The following SPOCK1 variants were observed in gnomAD, a reference collection of about 807,000 sequenced individuals.
The protein encoded by SPOCK1 is SPARC (osteonectin), cwcv and kazal like domains proteoglycan 1.
In SPOCK1, 23 loss-of-function variants were observed where a neutral mutation model predicts 55.3. The ratio of observed to expected loss-of-function variants is 0.42; its 90% CI spans 0.30 to 0.59. SPOCK1 has a LOEUF of 0.59. Ranked by LOEUF, SPOCK1 falls within the 20% of genes least tolerant of loss-of-function variation. The pLI is 0.22. For missense variants in SPOCK1, 499 were observed against 552.5 expected, an observed-to-expected ratio of 0.90 and a Z score of 0.97; for synonymous variants, 226 against 221.0, an observed-to-expected ratio of 1.02 and a Z score of -0.20.
intron 5 of SPOCK1, among the ~76,000 whole-genome samples, chr5:137,100,798 T>C (rs1753246462): frequency 6.6e-6 from 1 of 152,046 alleles, no homozygotes; most frequent in East Asian, 1.9e-4. Context: ...AGGACACCCT[T>C]GTTCAGAGGA....
In SPOCK1 at chr5:137,310,046, G is replaced by A. The variant is rs1757763071; in HGVS notation, c.187-42991C>T. Among the ~76,000 whole-genome samples, 5 of 152,122 alleles carry A rather than the reference G, an allele frequency of 3.3e-5. No homozygotes were observed. The South Asian group carries it at 8.3e-4, about 25-fold the overall frequency. On this transcript the variant is annotated intron_variant, in intron 2 of 10. Transcript: ENST00000394945. ...CCAGAGGCACAAAAGCCTAAAGAGA[G>A]CATAGACTTTCAAGCCAGGATCCTG...
chr5:137,311,204 T>A lies in SPOCK1; in HGVS notation c.187-44149A>T, dbSNP rs149949055. On this transcript the variant is annotated intron_variant, in intron 2 of 10. Transcript: ENST00000394945. ...TTTCCCCATTGGCTTCAGAATGTCATGGTTTAATTTTAACCAGAACAAAAG... is the reference window on the plus strand; with the variant it reads ...TTTCCCCATTGGCTTCAGAATGTCAAGGTTTAATTTTAACCAGAACAAAAG... Among the ~76,000 whole-genome samples, 852 of 152,240 alleles carry A rather than the reference T, an allele frequency of 5.6e-3. 1 individual carries two copies. The highest frequency in any genetic ancestry group is 0.02 in the African/African-American group (835 of 41,524).
At chr5:137,008,598 C>A (rs71589346) in intron 6 of SPOCK1, among the ~76,000 whole-genome samples, 14,398 of 152,038 alleles carry the variant, frequency 0.095, 864 homozygotes, top group Non-Finnish European at 0.13. Context: ...GAATTGTAGA[C>A]AACTGTGGTG....
intron 3 of SPOCK1, among the ~76,000 whole-genome samples, chr5:137,251,698 G>A (rs1756532753): frequency 6.6e-6 from 1 of 152,138 alleles, no homozygotes; most frequent in Non-Finnish European, 1.5e-5. Context: ...TGCCACAGAT[G>A]GGCTTTTAGA....
chr5:137,277,689 C>T (rs1436578410), intron 2 of SPOCK1, among the ~76,000 whole-genome samples: 2 of 152,184 alleles, frequency 1.3e-5, no homozygotes, highest in Non-Finnish European at 2.9e-5. Flanking sequence ...GATGAAAACA[C>T]CTGCTTCACA....
intron 2 of SPOCK1, among the ~76,000 whole-genome samples, chr5:137,344,034 A>G (rs1447663665): frequency 2.0e-5 from 3 of 152,248 alleles, no homozygotes; most frequent in Non-Finnish European, 4.4e-5. Context: ...CCTTTTGGGA[A>G]TAAGTTTTCT....
chr5:137,050,911 A>G (rs1190245270), intron 6 of SPOCK1, among the ~76,000 whole-genome samples: 1 of 152,246 alleles, frequency 6.6e-6, no homozygotes, highest in Non-Finnish European at 1.5e-5. Flanking sequence ...AGAAAACTGC[A>G]GACGTTTTCC....
At chr5:137,086,498 A>G (rs1484516438) in intron 5 of SPOCK1, among the ~76,000 whole-genome samples, 1 of 152,172 alleles carries the variant, frequency 6.6e-6, no homozygotes, top group Non-Finnish European at 1.5e-5. Context: ...AGTGTGGGCA[A>G]AATCATCCTC....
intron 2 of SPOCK1, among the ~76,000 whole-genome samples, chr5:137,497,589 CACATCCCTGGG>C (rs1195353609): frequency 1.3e-5 from 2 of 152,204 alleles, no homozygotes; most frequent in Non-Finnish European, 2.9e-5. Context: ...CCTCTTGCCC[CACATCCCTGGG>C]GCACACCTGG....
chr5:137,434,684 G>C (rs1021598697), intron 2 of SPOCK1, among the ~76,000 whole-genome samples: 3 of 150,682 alleles, frequency 2.0e-5, no homozygotes, highest in Admixed American at 2.0e-4. Flanking sequence ...TTTATTTTTA[G>C]TAGAGACTGG....
At chr5:137,418,113 G>C (rs1305837483) in intron 2 of SPOCK1, among the ~76,000 whole-genome samples, 1 of 152,086 alleles carries the variant, frequency 6.6e-6, no homozygotes, top group Non-Finnish European at 1.5e-5. Context: ...CTTCATCCAT[G>C]TCCCTACAAA....
At chr5:137,422,614 A>G (rs1473015936) in intron 2 of SPOCK1, among the ~76,000 whole-genome samples, 1 of 152,114 alleles carries the variant, frequency 6.6e-6, no homozygotes, top group Non-Finnish European at 1.5e-5. Flanking sequence ...CGTAGTTCCC[A>G]TGCCTTGGTT....
chr5:137,094,447 A>G (rs527878350), intron 5 of SPOCK1, among the ~76,000 whole-genome samples: 1 of 152,218 alleles, frequency 6.6e-6, no homozygotes, highest in Non-Finnish European at 1.5e-5. Flanking sequence ...CAATAAAGTG[A>G]GTTACTCAAA....
chr5:137,365,832 T>C lies in SPOCK1; in HGVS notation c.187-98777A>G, dbSNP rs140896524. On this transcript the variant is annotated intron_variant, in intron 2 of 10. Coordinates refer to ENST00000394945, the MANE Select transcript of SPOCK1 (RefSeq NM_004598.4). ...TAACAGGCACTTTAAATATTACTCA[T>C]GCAATCAAAGCTGTTTTTGTAACTC... Among the ~76,000 whole-genome samples the C allele has an allele frequency of 9.5e-3, 1,442 of 152,348 alleles. 17 individuals are homozygous for C. The highest frequency in any genetic ancestry group is 0.033 in the African/African-American group (1,364 of 41,586).
rs574936041 is a variant in SPOCK1 at position 137,295,134 on chromosome 5, C to A, written c.187-28079G>T. On this transcript the variant is annotated intron_variant, in intron 2 of 10. Transcript: ENST00000394945. ...CACTTGACCCACGGGAGATACTGCA[C>A]AAATACCCTGAATAAATACCTAGAT... 5.2e-4 allele frequency among the ~76,000 whole-genome samples: 79 copies of A among 152,324 alleles called. 1 individual carries two copies. The highest frequency in any genetic ancestry group is 1.9e-3 in the African/African-American group (78 of 41,574).
At chr5:137,302,515 T>C (rs1757618482) in intron 2 of SPOCK1, among the ~76,000 whole-genome samples, 1 of 151,516 alleles carries the variant, frequency 6.6e-6, no homozygotes, top group Non-Finnish European at 1.5e-5. Flanking sequence ...AGGCAGAGCT[T>C]GCAGTGAGGG....
intron 5 of SPOCK1, among the ~76,000 whole-genome samples, chr5:137,084,319 A>T (rs1752922361): frequency 6.6e-6 from 1 of 151,864 alleles, no homozygotes; most frequent in Admixed American, 6.5e-5. Context: ...GCAGCAGGAC[A>T]CACCTCAGAA....
At chr5:137,185,361 G>A (rs1267568276) in intron 3 of SPOCK1, among the ~76,000 whole-genome samples, 1 of 152,188 alleles carries the variant, frequency 6.6e-6, no homozygotes, top group Non-Finnish European at 1.5e-5. Flanking sequence ...ATAGCCACCA[G>A]CTGCCCCTCA....
chr5:137,120,606 T>C (rs372118536), intron 4 of SPOCK1, among the ~76,000 whole-genome samples: 1 of 151,978 alleles, frequency 6.6e-6, no homozygotes, highest in South Asian at 2.1e-4. Flanking sequence ...TGAAAATGAG[T>C]AAAGAGGCAC....
Sources: gnomAD v4.1 joint callset for allele counts (sites outside exome capture counted in the v4.1 genomes callset) on GRCh38, gnomAD v4.1.1 for gene constraint, MANE v1.5 for transcripts, NCBI Gene and HGNC (gene_info 2026-07-23, HGNC 2026-07-21) for gene names.